Variants in ERC2 observed in about 807,000 individuals in gnomAD.
ERC2 encodes the protein ELKS/RAB6-interacting/CAST family member 2, also known as ERC protein 2.
A neutral mutation model predicts 114.8 loss-of-function variants in ERC2; 42 were observed. The ratio of observed to expected loss-of-function variants is 0.37; its 90% confidence interval spans 0.29 to 0.47. The LOEUF is 0.47. Among genes scored for constraint, ERC2 ranks in the 20% least tolerant of loss-of-function variants. The pLI, the probability that ERC2 is intolerant of heterozygous loss-of-function variation, is 0.99. For synonymous variants in ERC2, 454 were observed against 425.5 expected (o/e 1.07, Z -0.82); for missense variants, 939 against 1,150.7 (o/e 0.82, Z 2.66).
At chr3:56,088,524 T>C (rs1179131816) in intron 6 of ERC2, among the ~76,000 whole-genome samples, 1 of 151,852 alleles carries the variant, frequency 6.6e-6, no homozygotes, top group Non-Finnish European at 1.5e-5. Flanking sequence ...CAGTAGAACC[T>C]TGGGGGAGTA....
At chr3:56,090,839 GA>G (rs1456444476) in intron 6 of ERC2, among the ~76,000 whole-genome samples, 2 of 150,420 alleles carry the variant, frequency 1.3e-5, no homozygotes, top group South Asian at 4.2e-4. Flanking sequence ...TGTAGACCTA[GA>G]AAAAAAACTG....
chr3:56,026,193 G>A (rs978321704), intron 7 of ERC2, among the ~76,000 whole-genome samples: 1 of 151,386 alleles, frequency 6.6e-6, no homozygotes, highest in African/African-American at 2.4e-5. Context: ...GGGACTACAG[G>A]TGTGCACTAC....
intron 14 of ERC2, among the ~76,000 whole-genome samples, chr3:55,844,153 A>T (rs577556550): frequency 6.6e-6 from 1 of 152,304 alleles, no homozygotes; most frequent in African/African-American, 2.4e-5. Context: ...GCTGTCTACC[A>T]CTACTGTTGA....
chr3:56,373,801 T>G (rs1423678084), intron 2 of ERC2, among the ~76,000 whole-genome samples: 6 of 152,286 alleles, frequency 3.9e-5, no homozygotes, highest in Admixed American at 3.9e-4. Context: ...TTCATGTGTT[T>G]ATTTTATAAA....
chr3:55,736,333 C>T (rs760166762), intron 14 of ERC2, among the ~76,000 whole-genome samples: 1 of 152,176 alleles, frequency 6.6e-6, no homozygotes, highest in Non-Finnish European at 1.5e-5. Flanking sequence ...ACATTTCGTT[C>T]CAGGTCTCTG....
intron 3 of ERC2, among the ~76,000 whole-genome samples, chr3:56,218,219 A>G (rs548464416): frequency 2.9e-4 from 44 of 152,316 alleles, no homozygotes; most frequent in African/African-American, 9.6e-4. Context: ...AGAATGGGAG[A>G]AAATTTTTGC....
chr3:56,026,638 T>A lies in ERC2; in HGVS notation c.1642-7607A>T, dbSNP rs181154350. ...TTTTGACATTTTATTTTGAGATAATTGAAATTTACATACAGTTATAAGAAA... is the reference window on the plus strand; with the variant it reads ...TTTTGACATTTTATTTTGAGATAATAGAAATTTACATACAGTTATAAGAAA... On this transcript the variant is annotated intron_variant, in intron 7 of 17. Coordinates refer to ENST00000288221, the MANE Select transcript of ERC2 (RefSeq NM_015576.3). Among the ~76,000 whole-genome samples, 159 of 152,308 alleles carry A rather than the reference T, an allele frequency of 1.0e-3. 1 individual carries two copies. The highest frequency in any genetic ancestry group is 3.5e-3 in the African/African-American group (144 of 41,582).
intron 14 of ERC2, among the ~76,000 whole-genome samples, chr3:55,749,261 C>A (rs575996251): frequency 6.6e-6 from 1 of 152,182 alleles, no homozygotes; most frequent in South Asian, 2.1e-4. Context: ...CCTGCAATAC[C>A]GATCTGTTGA....
intron 17 of ERC2, among the ~76,000 whole-genome samples, chr3:55,673,135 G>C (rs1371518042): frequency 1.3e-5 from 2 of 152,200 alleles, no homozygotes; most frequent in Admixed American, 6.5e-5. Context: ...CATTCCGTGA[G>C]GGGGAAGGAC....
Position 56,200,344 on chromosome 3 carries a change from A to AG in ERC2, c.1075-26825dup, listed in dbSNP as rs879652167. Among the ~76,000 whole-genome samples, 17 of 93,076 alleles carry AG rather than the reference A, an allele frequency of 1.8e-4. No homozygotes were observed. In the South Asian group the frequency reaches 2.6e-3, roughly 14 times the overall value. 61.1% of individuals were successfully genotyped at this position (93,076 alleles called of 152,430 possible). Reference sequence around the variant, plus strand: ...ACACAGTTTGCCTACTCAAATACTCAGGGGAAAAAAAAAAAAAAACTACCT... The same window carrying AG: ...ACACAGTTTGCCTACTCAAATACTCAGGGGGAAAAAAAAAAAAAAACTACCT... On this transcript the variant is annotated intron_variant, in intron 3 of 17. Coordinates refer to ENST00000288221, the MANE Select transcript of ERC2 (RefSeq NM_015576.3).
chr3:56,336,185 C>A (rs1305523034), intron 2 of ERC2, among the ~76,000 whole-genome samples: 1 of 152,132 alleles, frequency 6.6e-6, no homozygotes, highest in South Asian at 2.1e-4. Context: ...CTCTGCCTGA[C>A]ATTTATTAGC....
At chr3:55,625,769 A>T (rs56242225) in intron 17 of ERC2, among the ~76,000 whole-genome samples, 1 of 152,112 alleles carries the variant, frequency 6.6e-6, no homozygotes, top group Admixed American at 6.5e-5. Flanking sequence ...AAAAAAGAAG[A>T]GGGAGGAAAA....
intron 13 of ERC2, among the ~76,000 whole-genome samples, chr3:55,940,528 C>T (rs148562382): frequency 2.0e-5 from 3 of 152,286 alleles, no homozygotes; most frequent in African/African-American, 7.2e-5. Context: ...TCAGAGCACG[C>T]AGCAGCCCAG....
intron 13 of ERC2, among the ~76,000 whole-genome samples, chr3:55,915,543 G>A (rs952151475): frequency 2.0e-5 from 3 of 152,130 alleles, no homozygotes; most frequent in Non-Finnish European, 1.5e-5. Flanking sequence ...TTGGTTATGA[G>A]AAAAGTGAAT....
At chr3:56,258,510 C>T (rs1182882300) in intron 3 of ERC2, among the ~76,000 whole-genome samples, 2 of 152,070 alleles carry the variant, frequency 1.3e-5, no homozygotes, top group Admixed American at 6.6e-5. Context: ...AAAAATTAGC[C>T]GGGCGTGGTG....
At chr3:56,060,010 C>T (rs1560104964) in intron 7 of ERC2, among the ~76,000 whole-genome samples, 2 of 152,236 alleles carry the variant, frequency 1.3e-5, no homozygotes, top group Non-Finnish European at 1.5e-5. Context: ...CCAGTTCTAA[C>T]ATCTGCCTGG....
intron 14 of ERC2, among the ~76,000 whole-genome samples, chr3:55,850,868 A>ACACACACC: frequency 6.6e-6 from 1 of 151,400 alleles, no homozygotes; most frequent in East Asian, 1.9e-4. Context: ...ACACACACAC[A>ACACACACC]CACACACACA....
At chr3:56,142,438 G>C (rs2080909503) in intron 5 of ERC2, among the ~76,000 whole-genome samples, 1 of 151,930 alleles carries the variant, frequency 6.6e-6, no homozygotes, top group African/African-American at 2.4e-5. Context: ...TTTATTTTCT[G>C]TTTCATTCAT....
At chr3:56,208,983 C>T (rs1306870505) in intron 3 of ERC2, among the ~76,000 whole-genome samples, 1 of 152,096 alleles carries the variant, frequency 6.6e-6, no homozygotes, top group Non-Finnish European at 1.5e-5. Flanking sequence ...GAGTCCATTT[C>T]ACCTTCCATC....
Sources: gnomAD v4.1 joint callset for allele counts (sites outside exome capture counted in the v4.1 genomes callset) on GRCh38, gnomAD v4.1.1 for gene constraint, MANE v1.5 for transcripts, NCBI Gene and HGNC (gene_info 2026-07-23, HGNC 2026-07-21) for gene names.